LDAH: variants seen among roughly 807,000 people sequenced by gnomAD.
LDAH encodes lipid droplet-associated hydrolase.
LDAH carries 26 observed loss-of-function variants against 29.6 expected under a neutral mutation model. The ratio of observed to expected loss-of-function variants is 0.88; its 90% CI spans 0.64 to 1.22. LDAH has a LOEUF of 1.22. Among genes scored for constraint, LDAH ranks in the 50% most tolerant of loss-of-function variants. LDAH has a pLI of 0.00. For missense variants in LDAH, 344 were observed against 387.3 expected (o/e 0.89, Z 0.94); for synonymous variants, 117 against 133.0 (o/e 0.88, Z 0.83).
intron 6 of LDAH, among the ~76,000 whole-genome samples, chr2:20,692,074 A>T (rs539981855): frequency 6.6e-6 from 1 of 152,300 alleles, no homozygotes; most frequent in Admixed American, 6.5e-5. Flanking sequence ...AAGCTGATAG[A>T]TTAAAATGAG....
At chr2:20,759,880 A>G (rs1004502168) in intron 4 of LDAH, among the ~76,000 whole-genome samples, 1 of 152,228 alleles carries the variant, frequency 6.6e-6, no homozygotes, top group African/African-American at 2.4e-5. Context: ...CCTCTGCCTT[A>G]GCATGGGCCA....
chr2:20,710,850 T>C (rs1664703363), intron 5 of LDAH, among the ~76,000 whole-genome samples: 2 of 151,740 alleles, frequency 1.3e-5, no homozygotes, highest in Non-Finnish European at 1.5e-5. Context: ...TTCTAAGACG[T>C]CTTTCAAATA....
chr2:20,793,789 C>T (rs1671126110), intron 2 of LDAH, among the ~76,000 whole-genome samples: 1 of 151,964 alleles, frequency 6.6e-6, no homozygotes, highest in Non-Finnish European at 1.5e-5. Context: ...TTTAGAAAGA[C>T]AGAAACTATC....
chr2:20,821,367 A>C (rs1293648640), intron 1 of LDAH, among the ~76,000 whole-genome samples: 2 of 152,236 alleles, frequency 1.3e-5, no homozygotes, highest in Admixed American at 6.5e-5. Flanking sequence ...GAACCAACCC[A>C]AACGTCCAAC....
intron 1 of LDAH, among the ~76,000 whole-genome samples, chr2:20,808,358 A>G (rs1008133599): frequency 6.6e-6 from 1 of 152,158 alleles, no homozygotes; most frequent in African/African-American, 2.4e-5. Context: ...GGAAGTGTAA[A>G]AAGTCAAGAA....
intron 5 of LDAH, among the ~76,000 whole-genome samples, chr2:20,723,317 G>A (rs1226687830): frequency 1.3e-5 from 2 of 152,216 alleles, no homozygotes; most frequent in Admixed American, 6.5e-5. Flanking sequence ...AATGGAGTAA[G>A]TGAGATGGGC....
At chr2:20,789,852 C>T (rs954808237) in intron 3 of LDAH, among the ~76,000 whole-genome samples, 10 of 152,138 alleles carry the variant, frequency 6.6e-5, no homozygotes, top group African/African-American at 2.4e-4. Context: ...TGAGGTGGAA[C>T]AGTTTCATCC....
chr2:20,786,555 GTTT>G (rs1057376956), intron 3 of LDAH, among the ~76,000 whole-genome samples: 1 of 150,938 alleles, frequency 6.6e-6, no homozygotes, highest in Admixed American at 6.6e-5. Context: ...TAATGTTCTT[GTTT>G]TTTTTTCCTC....
chr2:20,727,128 A>C (rs1666074474), intron 5 of LDAH, among the ~76,000 whole-genome samples: 1 of 152,214 alleles, frequency 6.6e-6, no homozygotes, highest in South Asian at 2.1e-4. Flanking sequence ...CTGTAATCTC[A>C]GCACTGTGGG....
At chr2:20,735,639 C>T (rs1459873590) in intron 5 of LDAH, among the ~76,000 whole-genome samples, 2 of 151,886 alleles carry the variant, frequency 1.3e-5, no homozygotes, top group African/African-American at 4.8e-5. Flanking sequence ...TTTTGTTAGA[C>T]AAGTGATTTG....
chr2:20,709,748 A>T (rs565228421), intron 5 of LDAH, among the ~76,000 whole-genome samples: 1 of 152,314 alleles, frequency 6.6e-6, no homozygotes, highest in East Asian at 1.9e-4. Flanking sequence ...AAACAATCTG[A>T]ATGTCCACCA....
At chr2:20,785,931 T>C (rs907494123) in intron 3 of LDAH, among the ~76,000 whole-genome samples, 2 of 152,212 alleles carry the variant, frequency 1.3e-5, no homozygotes, top group Admixed American at 6.5e-5. Flanking sequence ...CTTCTTCCAT[T>C]AGAGTTCTCA....
At chr2:20,776,278 G>T (rs1283656635) in intron 3 of LDAH, among the ~76,000 whole-genome samples, 1 of 152,030 alleles carries the variant, frequency 6.6e-6, no homozygotes, top group East Asian at 1.9e-4. Flanking sequence ...TCTAAGTCCT[G>T]TTTATCCTAC....
chr2:20,742,592 G>A (rs1020547459), intron 4 of LDAH, among the ~76,000 whole-genome samples: 1 of 151,896 alleles, frequency 6.6e-6, no homozygotes, highest in Non-Finnish European at 1.5e-5. Flanking sequence ...TTGAAAAGTC[G>A]GCCTTGTCTG....
At chr2:20,772,724 T>G (rs925358570) in intron 4 of LDAH, among the ~76,000 whole-genome samples, 8 of 152,216 alleles carry the variant, frequency 5.3e-5, no homozygotes, top group Non-Finnish European at 1.5e-5. Context: ...TCCTTGACTC[T>G]TCTTCCAGGT....
chr2:20,743,151 A>G (rs1667314641), intron 4 of LDAH, among the ~76,000 whole-genome samples: 1 of 151,900 alleles, frequency 6.6e-6, no homozygotes, highest in Non-Finnish European at 1.5e-5. Context: ...TTCTATTTTC[A>G]TCTTCCACAT....
chr2:20,712,795 A>C (rs1664870041), intron 5 of LDAH, among the ~76,000 whole-genome samples: 1 of 152,228 alleles, frequency 6.6e-6, no homozygotes, highest in Non-Finnish European at 1.5e-5. Context: ...TCAGTGATTG[A>C]AGATCAAATT....
intron 1 of LDAH, among the ~76,000 whole-genome samples, chr2:20,809,734 C>T (rs974859724): frequency 6.6e-6 from 1 of 152,026 alleles, no homozygotes. Flanking sequence ...AGCGAATAAA[C>T]ATAAGGGCTT....
intron 5 of LDAH, among the ~76,000 whole-genome samples, chr2:20,718,158 T>G (rs922800582): frequency 2.6e-5 from 4 of 152,138 alleles, no homozygotes; most frequent in African/African-American, 9.7e-5. Context: ...TATTAAGTCC[T>G]TACCTATCAA....
Sources: allele counts gnomAD v4.1 joint callset (sites outside exome capture counted in the v4.1 genomes callset), GRCh38; gene constraint gnomAD v4.1.1; transcripts MANE v1.5; gene names NCBI Gene and HGNC (gene_info 2026-07-23, HGNC 2026-07-21).